PSMB7: variants seen among roughly 807,000 people sequenced by gnomAD.
PSMB7 encodes the protein proteasome subunit beta type-7.
Under a neutral mutation model 28.1 loss-of-function variants are expected in PSMB7, and 5 were observed. The ratio of observed to expected loss-of-function variants is 0.18; its 90% confidence interval spans 0.09 to 0.37. The LOEUF is 0.37. Among genes scored for constraint, PSMB7 ranks in the 10% least tolerant of loss-of-function variants. The pLI is 1.00. For missense variants in PSMB7, 275 were observed against 346.2 expected (o/e 0.79, Z 1.63); for synonymous variants, 122 against 123.7 (o/e 0.99, Z 0.09).
At position 124,412,348 on chromosome 9, in the gene PSMB7, T is replaced by C; in HGVS notation, c.395+4A>G. ...TAGTAGGAATCCCCATTCTGGAAAC[T>C]TACCTGAAAAGCATCTGCTTCAGCA... On this transcript the variant is annotated splice_donor_region_variant and intron_variant, in intron 4 of 7. Transcript: ENST00000259457. 1.2e-6 allele frequency: 2 copies of C among 1,613,606 alleles called. No homozygotes were observed. The highest frequency in any genetic ancestry group is 2.2e-5 in the South Asian group (2 of 91,032).
In PSMB7 at chr9:124,393,692, G is replaced by C. The variant is rs532054866; in HGVS notation, c.512-9036C>G. ...GGGAAAAGGGATTTTTCTTATAATT[G>C]CAACTGCAACATCTCATTGACCTGA... is the stretch of plus-strand genomic sequence containing the variant. On this transcript the variant is annotated intron_variant, in intron 5 of 7. Coordinates refer to ENST00000259457, the MANE Select transcript of PSMB7 (RefSeq NM_002799.4). 6.6e-5 allele frequency among the ~76,000 whole-genome samples: 10 copies of C among 152,268 alleles called. 1 individual carries two copies. In the South Asian group the frequency reaches 1.9e-3, roughly 28 times the overall value.
intron 6 of PSMB7, 134 bp from the exon 7 acceptor site, chr9:124,357,049 T>C: frequency 5.8e-6 from 6 of 1,026,074 alleles, no homozygotes; most frequent in Non-Finnish European, 8.4e-6. Context: ...ATCTCACAGA[T>C]GAGGAAAAGA....
At chr9:124,368,718 G>C (rs569265011) in intron 6 of PSMB7, among the ~76,000 whole-genome samples, 1 of 152,324 alleles carries the variant, frequency 6.6e-6, no homozygotes, top group South Asian at 2.1e-4. Context: ...TTCTTTGAAA[G>C]TTTCAGGACA....
intron 7 of PSMB7, among the ~76,000 whole-genome samples, chr9:124,355,746 G>C (rs1830397669): frequency 6.6e-6 from 1 of 152,216 alleles, no homozygotes; most frequent in Admixed American, 6.5e-5. Context: ...AAGCCACCAA[G>C]CCAGCCACCA....
intron 6 of PSMB7, among the ~76,000 whole-genome samples, chr9:124,373,659 A>C (rs1445688066): frequency 2.6e-5 from 4 of 152,184 alleles, no homozygotes; most frequent in Non-Finnish European, 4.4e-5. Flanking sequence ...ATCCATCAAA[A>C]CCACAATAAG....
chr9:124,401,422 C>A (rs1830905610), intron 5 of PSMB7, among the ~76,000 whole-genome samples: 1 of 152,252 alleles, frequency 6.6e-6, no homozygotes, highest in African/African-American at 2.4e-5. Context: ...GGCTCTGAGG[C>A]AGACGCTGTG....
chr9:124,378,245 C>T (rs1349642436), intron 6 of PSMB7, among the ~76,000 whole-genome samples: 1 of 152,174 alleles, frequency 6.6e-6, no homozygotes, highest in Non-Finnish European at 1.5e-5. Context: ...TCATGGGACG[C>T]CAGAGCATGC....
At chr9:124,371,009 C>T (rs1830557176) in intron 6 of PSMB7, among the ~76,000 whole-genome samples, 1 of 152,186 alleles carries the variant, frequency 6.6e-6, no homozygotes, top group Admixed American at 6.5e-5. Flanking sequence ...CCACCACCCC[C>T]CTTTCTGATA....
chr9:124,355,214 T>C (rs1031465531), intron 7 of PSMB7, among the ~76,000 whole-genome samples: 1 of 152,244 alleles, frequency 6.6e-6, no homozygotes, highest in African/African-American at 2.4e-5. Flanking sequence ...TGCAGGTTAC[T>C]GCACACCCAC....
At chr9:124,394,839 A>C (rs1830824945) in intron 5 of PSMB7, among the ~76,000 whole-genome samples, 1 of 152,212 alleles carries the variant, frequency 6.6e-6, no homozygotes, top group Admixed American at 6.5e-5. Flanking sequence ...AACAAGATGC[A>C]TTCATTCAAC....
Position 124,356,641 on chromosome 9 carries a change from T to A in PSMB7, c.722+123A>T. 2 of 1,178,284 alleles carry A rather than the reference T, an allele frequency of 1.7e-6. No individual in the cohort carries two copies. Among genetic ancestry groups the A allele is most frequent in the Non-Finnish European group, 1.2e-6 (1 of 839,546 alleles). The allele number at this position is 1,178,284 out of a possible 1,614,324, so 73.0% of individuals were successfully genotyped here. On this transcript the variant is annotated intron_variant, in intron 7 of 7. Coordinates refer to ENST00000259457, the MANE Select transcript of PSMB7 (RefSeq NM_002799.4). This position sits in a 1 kb window ranked among gnomAD's most constrained non-coding sequence, Gnocchi z 4.4. ...CCGAAGGTCTGTGTGGGAGGTTGATTTGGGAACACTGGATGTACTTAATGT... is the reference window on the plus strand; with the variant it reads ...CCGAAGGTCTGTGTGGGAGGTTGATATGGGAACACTGGATGTACTTAATGT...
intron 4 of PSMB7, among the ~76,000 whole-genome samples, chr9:124,411,882 G>T (rs1238893060): frequency 6.6e-6 from 1 of 151,000 alleles, no homozygotes; most frequent in African/African-American, 2.4e-5. Context: ...GTAGATAAAG[G>T]TTGGTTAATA....
chr9:124,408,194 A>G (rs1830988126), intron 4 of PSMB7, among the ~76,000 whole-genome samples: 1 of 152,132 alleles, frequency 6.6e-6, no homozygotes, highest in African/African-American at 2.4e-5. Flanking sequence ...TCTAAACTAA[A>G]ATAAAATTTA....
intron 5 of PSMB7, among the ~76,000 whole-genome samples, chr9:124,392,696 T>A (rs1434840120): frequency 6.6e-6 from 1 of 152,190 alleles, no homozygotes; most frequent in Non-Finnish European, 1.5e-5. Flanking sequence ...GGTTGGCAGC[T>A]TTCATGGAAA....
At chr9:124,408,163 G>C (rs994890020) in intron 4 of PSMB7, among the ~76,000 whole-genome samples, 12 of 152,204 alleles carry the variant, frequency 7.9e-5, no homozygotes, top group African/African-American at 2.9e-4. Context: ...ACTCCAGCCT[G>C]GGCAACAGAA....
At chr9:124,375,996 A>T (rs1830606352) in intron 6 of PSMB7, among the ~76,000 whole-genome samples, 1 of 152,196 alleles carries the variant, frequency 6.6e-6, no homozygotes, top group African/African-American at 2.4e-5. Flanking sequence ...ATGAATACAG[A>T]ATTCATATGC....
intron 6 of PSMB7, among the ~76,000 whole-genome samples, chr9:124,365,396 G>A (rs1282027547): frequency 6.6e-6 from 1 of 152,230 alleles, no homozygotes; most frequent in Non-Finnish European, 1.5e-5. Flanking sequence ...GGGCAGACGT[G>A]TAGGCAGGAA....
At chr9:124,412,557 G>A (rs1256775603) in intron 3 of PSMB7, 65 bp from the exon 4 acceptor site, 26 of 1,553,962 alleles carry the variant, frequency 1.7e-5, no homozygotes, top group Non-Finnish European at 2.3e-5. Context: ...AGAAGTAATG[G>A]GTTCTTGGAT....
intron 5 of PSMB7, among the ~76,000 whole-genome samples, chr9:124,392,083 C>T (rs1417795426): frequency 2.0e-5 from 3 of 152,220 alleles, no homozygotes; most frequent in Non-Finnish European, 4.4e-5. Context: ...ACCCTGAACT[C>T]AAGTACTGGG....
Sources: allele counts gnomAD v4.1 joint callset (sites outside exome capture counted in the v4.1 genomes callset), GRCh38; gene constraint gnomAD v4.1.1; non-coding constraint Gnocchi (gnomAD v3.1); transcripts MANE v1.5; gene names NCBI Gene and HGNC (gene_info 2026-07-23, HGNC 2026-07-21).